Variants in LRRIQ3 observed in about 807,000 individuals in gnomAD.
LRRIQ3 encodes the protein leucine rich repeats and IQ motif containing 3.
Under a neutral mutation model 59.3 loss-of-function variants are expected in LRRIQ3, and 75 were observed. The ratio of observed to expected loss-of-function variants is 1.26; its 90% CI spans 1.05 to 1.53. The LOEUF (loss-of-function observed/expected upper bound fraction) is 1.53. LRRIQ3 is among the 40% of genes most tolerant of loss of function. The probability of loss-of-function intolerance (pLI) is 0.00; values close to 1 mark genes in which losing one functional copy is unlikely to be tolerated. For synonymous variants in LRRIQ3, 250 were observed against 231.3 expected, an observed-to-expected ratio of 1.08 and a Z score of -0.73; for missense variants, 831 against 710.0, an observed-to-expected ratio of 1.17 and a Z score of -1.94.
intron 4 of LRRIQ3, among the ~76,000 whole-genome samples, chr1:74,120,556 C>T: frequency 6.6e-6 from 1 of 151,860 alleles, no homozygotes; most frequent in East Asian, 1.9e-4. Flanking sequence ...AGCCACCAGC[C>T]AAATTTTTTA....
At chr1:74,096,661 T>A (rs1646453352) in intron 5 of LRRIQ3, among the ~76,000 whole-genome samples, 1 of 152,120 alleles carries the variant, frequency 6.6e-6, no homozygotes, top group African/African-American at 2.4e-5. Context: ...GCTCTGTTTT[T>A]TCCCCATCTT....
At chr1:74,147,016 C>A (rs184569062) in intron 4 of LRRIQ3, among the ~76,000 whole-genome samples, 41 of 152,236 alleles carry the variant, frequency 2.7e-4, no homozygotes, top group Admixed American at 1.9e-3. Flanking sequence ...TTGCTTGAGC[C>A]CAGGAGTTGG....
chr1:74,093,462 C>T lies in LRRIQ3; in HGVS notation c.867+15932G>A, dbSNP rs931462219. On this transcript the variant is annotated intron_variant, in intron 5 of 7. Coordinates refer to ENST00000354431, the MANE Select transcript of LRRIQ3 (RefSeq NM_001105659.2). Reference sequence around the variant, plus strand: ...TATTATAGGTATGCTGTTTCTATGCCACTTTATATGCTAGGTATGTATAAG... The same window carrying T: ...TATTATAGGTATGCTGTTTCTATGCTACTTTATATGCTAGGTATGTATAAG... 2.0e-5 allele frequency among the ~76,000 whole-genome samples: 3 copies of T among 151,972 alleles called. No individual in the cohort carries two copies. In the East Asian group the frequency reaches 5.8e-4, roughly 29 times the overall value.
intron 3 of LRRIQ3, among the ~76,000 whole-genome samples, chr1:74,178,502 T>A (rs1206637057): frequency 6.6e-6 from 1 of 152,210 alleles, no homozygotes; most frequent in Non-Finnish European, 1.5e-5. Flanking sequence ...ATATGATTTT[T>A]ATATTTTGTT....
intron 6 of LRRIQ3, among the ~76,000 whole-genome samples, chr1:74,048,799 G>C (rs1654278648): frequency 1.3e-5 from 2 of 152,070 alleles, no homozygotes; most frequent in Non-Finnish European, 2.9e-5. Flanking sequence ...TGTGTGAACA[G>C]TGTATACATA....
At chr1:74,104,184 A>T (rs1646576204) in intron 5 of LRRIQ3, among the ~76,000 whole-genome samples, 1 of 152,062 alleles carries the variant, frequency 6.6e-6, no homozygotes, top group African/African-American at 2.4e-5. Context: ...CCAACCTATT[A>T]GAATGACCAA....
intron 5 of LRRIQ3, among the ~76,000 whole-genome samples, chr1:74,079,377 T>C (rs527450652): frequency 2.0e-5 from 3 of 151,794 alleles, no homozygotes; most frequent in Non-Finnish European, 4.4e-5. Context: ...TTGTGTAAGA[T>C]CTTTCTTCTG....
intron 4 of LRRIQ3, among the ~76,000 whole-genome samples, chr1:74,139,440 A>G (rs1647192392): frequency 1.3e-5 from 2 of 151,778 alleles, no homozygotes; most frequent in African/African-American, 4.8e-5. Flanking sequence ...ACCACTACCC[A>G]TTTGCTCACC....
At chr1:74,128,526 C>T (rs1296663926) in intron 4 of LRRIQ3, among the ~76,000 whole-genome samples, 1 of 152,008 alleles carries the variant, frequency 6.6e-6, no homozygotes, top group African/African-American at 2.4e-5. Flanking sequence ...TCTTTGAGTT[C>T]CCTCAAGAAG....
chr1:74,084,384 A>G (rs868174664), intron 5 of LRRIQ3, among the ~76,000 whole-genome samples: 7 of 151,788 alleles, frequency 4.6e-5, no homozygotes, highest in South Asian at 2.1e-4. Flanking sequence ...TGGCTCTCCA[A>G]ATGATAGCAA....
At position 74,182,712 on chromosome 1, in the gene LRRIQ3, T is replaced by C; in HGVS notation, c.399A>G (p.Pro133=). 5 of 1,612,804 alleles carry C rather than the reference T, an allele frequency of 3.1e-6. No homozygotes were observed. The highest frequency in any genetic ancestry group is 4.2e-6 in the Non-Finnish European group (5 of 1,179,064). Residue 133 remains proline, a synonymous_variant, in exon 3 of 8, where the codon CCA becomes CCG. Transcript: ENST00000354431. Reference sequence around the variant, plus strand: ...GTCTATATCCTTTTTTAAGGCTTACTGGACAATCAAACATAGTGAGGGCAA... The same window carrying C: ...GTCTATATCCTTTTTTAAGGCTTACCGGACAATCAAACATAGTGAGGGCAA... ...TLIALTMFDC[P]VSLKKGYRHV... is the part of the protein sequence containing the mutation.
intron 1 of LRRIQ3, among the ~76,000 whole-genome samples, chr1:74,185,561 T>A (rs79341224): frequency 1.3e-5 from 2 of 152,184 alleles, no homozygotes; most frequent in African/African-American, 4.8e-5. Flanking sequence ...GTCAGATATG[T>A]GTTTTCCAAA....
chr1:74,034,673 T>C (rs1653815917), intron 7 of LRRIQ3, among the ~76,000 whole-genome samples: 1 of 150,640 alleles, frequency 6.6e-6, no homozygotes, highest in Non-Finnish European at 1.5e-5. Flanking sequence ...CACCACAAAG[T>C]GTACACTAAA....
At position 74,103,568 on chromosome 1, in the gene LRRIQ3, G is replaced by C. The variant is rs992629282; in HGVS notation, c.867+5826C>G. Reference sequence around the variant, plus strand: ...ATTTCACAAAACAATGACATAAATTGACCCCCAAAATAAATAAAAATACTT... The same window carrying C: ...ATTTCACAAAACAATGACATAAATTCACCCCCAAAATAAATAAAAATACTT... On this transcript the variant is annotated intron_variant, in intron 5 of 7. Coordinates refer to ENST00000354431, the MANE Select transcript of LRRIQ3 (RefSeq NM_001105659.2). Among the ~76,000 whole-genome samples, 4 of 151,690 alleles carry C rather than the reference G, an allele frequency of 2.6e-5. No homozygotes were observed. The East Asian group carries it at 7.8e-4, about 29-fold the overall frequency.
At chr1:74,122,906 G>A (rs545660496) in intron 4 of LRRIQ3, among the ~76,000 whole-genome samples, 5 of 152,176 alleles carry the variant, frequency 3.3e-5, no homozygotes, top group African/African-American at 1.2e-4. Flanking sequence ...TACAGAATGG[G>A]AGAAAAATTT....
At chr1:74,182,254 T>G (rs896614722) in intron 3 of LRRIQ3, 7 of 178,166 alleles carry the variant, frequency 3.9e-5, no homozygotes, top group Admixed American at 1.2e-4. Context: ...GAGTCTTTCA[T>G]ATACCAAATT....
chr1:74,091,496 C>CA (rs1383440792), intron 5 of LRRIQ3, among the ~76,000 whole-genome samples: 4 of 151,426 alleles, frequency 2.6e-5, no homozygotes, highest in African/African-American at 7.3e-5. Context: ...CAGGAAAGAA[C>CA]AAAAAATTAA....
chr1:74,195,636 C>T (rs1570296375), intron 1 of LRRIQ3, among the ~76,000 whole-genome samples: 1 of 152,170 alleles, frequency 6.6e-6, no homozygotes, highest in Non-Finnish European at 1.5e-5. Flanking sequence ...GCCCAAATGC[C>T]TCCACAGAAT....
At chr1:74,087,441 C>T (rs966236984) in intron 5 of LRRIQ3, among the ~76,000 whole-genome samples, 2 of 130,110 alleles carry the variant, frequency 1.5e-5, no homozygotes, top group Non-Finnish European at 3.1e-5. Flanking sequence ...AATGATCCAC[C>T]ACAGAGTTGG....
Sources: allele counts gnomAD v4.1 joint callset (sites outside exome capture counted in the v4.1 genomes callset), GRCh38; gene constraint gnomAD v4.1.1; transcripts MANE v1.5; gene names NCBI Gene and HGNC (gene_info 2026-07-23, HGNC 2026-07-21).